The following BCKDHB variants were observed in gnomAD, a reference collection of about 807,000 sequenced individuals.
The protein encoded by BCKDHB is 2-oxoisovalerate dehydrogenase subunit beta, mitochondrial.
Under a neutral mutation model 48.5 loss-of-function variants are expected in BCKDHB, and 41 were observed. That is an observed-to-expected ratio of 0.85 (90% CI 0.66 to 1.10). The LOEUF (loss-of-function observed/expected upper bound fraction) is 1.10, where lower values mean the gene tolerates loss of function less well. BCKDHB is among the 50% of genes least tolerant of loss of function. BCKDHB has a pLI of 0.00. For synonymous variants in BCKDHB, 201 were observed against 174.8 expected, an observed-to-expected ratio of 1.15 and a Z score of -1.18; for missense variants, 496 against 494.2, an observed-to-expected ratio of 1.00 and a Z score of -0.03.
chr6:80,336,291 G>T (rs971380377), intron 9 of BCKDHB, among the ~76,000 whole-genome samples: 17 of 151,666 alleles, frequency 1.1e-4, no homozygotes, highest in Admixed American at 3.3e-4. Context: ...TTATTTCTAA[G>T]AATTTGTTAA....
intron 8 of BCKDHB, among the ~76,000 whole-genome samples, chr6:80,255,598 G>A (rs191880307): frequency 9.2e-4 from 140 of 152,274 alleles, no homozygotes; most frequent in South Asian, 8.1e-3. Context: ...AACTAATGTG[G>A]AGAAAATAAT....
the BCKDHB span, among the ~76,000 whole-genome samples, chr6:80,389,785 C>T: frequency 7.9e-5 from 12 of 152,224 alleles, no homozygotes; most frequent in Admixed American, 3.9e-4. Context: ...GAGCAGAGTT[C>T]TCCAGAAGGT....
At chr6:80,170,449 G>A (rs1772852292) in intron 5 of BCKDHB, among the ~76,000 whole-genome samples, 1 of 152,142 alleles carries the variant, frequency 6.6e-6, no homozygotes, top group South Asian at 2.1e-4. Flanking sequence ...GAAGTTAAGA[G>A]CTTGAGCTTT....
intron 6 of BCKDHB, among the ~76,000 whole-genome samples, chr6:80,191,050 C>T (rs933026919): frequency 6.6e-6 from 1 of 152,134 alleles, no homozygotes; most frequent in Admixed American, 6.5e-5. Flanking sequence ...GGGTCCAGCT[C>T]AGAGATGGTA....
the BCKDHB span, among the ~76,000 whole-genome samples, chr6:80,447,113 A>T: frequency 6.6e-6 from 1 of 152,094 alleles, no homozygotes; most frequent in Non-Finnish European, 1.5e-5. Context: ...TAAATAATAA[A>T]AACTAGTTTT....
intron 8 of BCKDHB, among the ~76,000 whole-genome samples, chr6:80,271,444 A>G (rs1220393796): frequency 1.3e-5 from 2 of 151,610 alleles, no homozygotes; most frequent in Non-Finnish European, 2.9e-5. Flanking sequence ...TTCACCATCC[A>G]CTCTGTGGCC....
chr6:80,109,340 A>T (rs1217208237), intron 1 of BCKDHB, among the ~76,000 whole-genome samples: 2 of 152,254 alleles, frequency 1.3e-5, no homozygotes, highest in East Asian at 3.8e-4. Context: ...GAACCTTTAA[A>T]TAATTACCAT....
chr6:80,134,312 A>G (rs893002353), intron 3 of BCKDHB, among the ~76,000 whole-genome samples: 10 of 152,182 alleles, frequency 6.6e-5, no homozygotes, highest in Admixed American at 6.5e-4. Context: ...GTGGCCTGTC[A>G]TAGCAGCTTG....
chr6:80,353,215 A>G, the BCKDHB span, among the ~76,000 whole-genome samples: 1 of 152,132 alleles, frequency 6.6e-6, no homozygotes, highest in Non-Finnish European at 1.5e-5. Context: ...AGTTCCATCT[A>G]TGTTCCTGAA....
At chr6:80,220,488 C>T (rs1297064370) in intron 8 of BCKDHB, among the ~76,000 whole-genome samples, 2 of 129,002 alleles carry the variant, frequency 1.6e-5, no homozygotes, top group East Asian at 2.4e-4. Flanking sequence ...GTGCAGCTTT[C>T]CTTTATGTCT....
At chr6:80,109,159 C>A (rs1769285637) in intron 1 of BCKDHB, among the ~76,000 whole-genome samples, 1 of 152,148 alleles carries the variant, frequency 6.6e-6, no homozygotes, top group African/African-American at 2.4e-5. Flanking sequence ...CCTTGGCTGT[C>A]TATAACTTTG....
intron 3 of BCKDHB, among the ~76,000 whole-genome samples, chr6:80,139,909 C>A (rs1771102204): frequency 6.6e-6 from 1 of 152,142 alleles, no homozygotes; most frequent in Non-Finnish European, 1.5e-5. Flanking sequence ...TGGCCATTTT[C>A]ACGATATTGA....
rs981134676 is a variant in BCKDHB at position 80,288,675 on chromosome 6, T to A, written c.1038+15454T>A. Among the ~76,000 whole-genome samples, 35 of 152,142 alleles carry A rather than the reference T, an allele frequency of 2.3e-4. 1 individual carries two copies. Among genetic ancestry groups the A allele is most frequent in the African/African-American group, 8.4e-4 (35 of 41,422 alleles). ...ATAAAATAATGCTGCAATATGTGATTGCCTAAGCCGACTGTACTTTGTCTT... is the reference window on the plus strand; with the variant it reads ...ATAAAATAATGCTGCAATATGTGATAGCCTAAGCCGACTGTACTTTGTCTT... On this transcript the variant is annotated intron_variant, in intron 9 of 9. Coordinates refer to ENST00000320393, the MANE Select transcript of BCKDHB (RefSeq NM_183050.4).
the BCKDHB span, among the ~76,000 whole-genome samples, chr6:80,435,233 C>G: frequency 6.6e-6 from 1 of 152,154 alleles, no homozygotes; most frequent in African/African-American, 2.4e-5. Flanking sequence ...TGGCCAGCAA[C>G]AGGAGTCTAC....
intron 6 of BCKDHB, among the ~76,000 whole-genome samples, chr6:80,189,092 G>T (rs543329151): frequency 6.6e-6 from 1 of 152,260 alleles, no homozygotes; most frequent in African/African-American, 2.4e-5. Context: ...CAGAATGTGT[G>T]CAAAGTCAAA....
intron 9 of BCKDHB, among the ~76,000 whole-genome samples, chr6:80,331,469 A>C (rs1300870630): frequency 6.6e-6 from 1 of 152,190 alleles, no homozygotes; most frequent in Non-Finnish European, 1.5e-5. Flanking sequence ...GCTTAAAAGC[A>C]AACCACTTCA....
chr6:80,307,504 A>G lies in BCKDHB; in HGVS notation c.1038+34283A>G, dbSNP rs1156623020. 9.1e-6 allele frequency: 9 copies of G among 984,748 alleles called. No homozygotes were observed. In the Admixed American group the frequency reaches 2.5e-4, roughly 27 times the overall value. The allele number at this position is 984,748 out of a possible 1,614,324, so 61.0% of individuals were successfully genotyped here. A position where few individuals can be genotyped will look rare whatever the true frequency, so the allele number is the denominator to read the frequency against. ...TTTTCAGATATACCCCCATGAAAGA[A>G]CCTCTGTTAAATTTTCAGTAAATTA... On this transcript the variant is annotated intron_variant, in intron 9 of 9. Coordinates refer to ENST00000320393, the MANE Select transcript of BCKDHB (RefSeq NM_183050.4).
intron 3 of BCKDHB, among the ~76,000 whole-genome samples, chr6:80,163,128 G>A (rs1322943935): frequency 6.6e-6 from 1 of 151,856 alleles, no homozygotes; most frequent in Non-Finnish European, 1.5e-5. Flanking sequence ...GGGTTTTGCT[G>A]TAGGGTCTTG....
intron 8 of BCKDHB, among the ~76,000 whole-genome samples, chr6:80,256,715 GAAATCTAGT>G (rs1424277365): frequency 2.0e-5 from 3 of 152,242 alleles, no homozygotes; most frequent in Admixed American, 2.0e-4. Flanking sequence ...CTGTGCTGGT[GAAATCTAGT>G]AACTCCTTAT....
Sources: gnomAD v4.1 joint callset for allele counts (sites outside exome capture counted in the v4.1 genomes callset) on GRCh38, gnomAD v4.1.1 for gene constraint, MANE v1.5 for transcripts, NCBI Gene and HGNC (gene_info 2026-07-23, HGNC 2026-07-21) for gene names.